The following NSUN2 variants were observed in gnomAD, a reference collection of about 807,000 sequenced individuals.
The protein encoded by NSUN2 is NOP2/Sun RNA methyltransferase 2, also known as RNA cytosine C(5)-methyltransferase NSUN2.
NSUN2 carries 63 observed loss-of-function variants against 92.7 expected under a neutral mutation model. The ratio of observed to expected loss-of-function variants is 0.68; its 90% CI spans 0.56 to 0.84. The LOEUF is 0.84. NSUN2 is among the 40% of genes least tolerant of loss of function. The pLI is 0.00. For synonymous variants in NSUN2, 356 were observed against 348.3 expected, an observed-to-expected ratio of 1.02 and a Z score of -0.25; for missense variants, 989 against 964.9, an observed-to-expected ratio of 1.02 and a Z score of -0.33.
At chr5:6,629,799 G>A (rs1579381748) in intron 3 of NSUN2, among the ~76,000 whole-genome samples, 2 of 152,098 alleles carry the variant, frequency 1.3e-5, no homozygotes, top group South Asian at 2.1e-4. Context: ...CAGTGAGTTC[G>A]TTCTCAGGGG....
At chr5:6,617,258 A>G (rs1393973177) in intron 8 of NSUN2, among the ~76,000 whole-genome samples, 3 of 152,350 alleles carry the variant, frequency 2.0e-5, no homozygotes, top group South Asian at 2.1e-4. Flanking sequence ...AACAGTAGAC[A>G]GTATTTTATG....
chr5:6,623,339 A>G, intron 4 of NSUN2, 54 bp from the exon 5 acceptor site: 5 of 1,428,672 alleles, frequency 3.5e-6, no homozygotes, highest in Non-Finnish European at 4.8e-6. Context: ...AAAACCGCAG[A>G]CAATTTCAAT....
In NSUN2 at chr5:6,610,980, G is replaced by T; in HGVS notation, c.1201C>A (p.Leu401Met). ...TMFPPKDPEKLQAMHLERCLR... is the reference protein window; with the variant it reads ...TMFPPKDPEKMQAMHLERCLR... ...CATCGCTCCAGGTGCATGGCCTGCA[G>T]CTTTTCTGGGTCCTTCGGAGGGAAC... Residue 401 changes from leucine to methionine, a missense_variant, in exon 11 of 19, where the codon CTG (leucine) becomes ATG (methionine). Around this residue, in one of 3 missense-constraint regions of NSUN2, gnomAD observed 626 missense variants for 602.3 expected, o/e 1.04. Coordinates refer to ENST00000264670, the MANE Select transcript of NSUN2 (RefSeq NM_017755.6). 6.2e-7 allele frequency: 1 copy of T among 1,614,162 alleles called. No individual in the cohort carries two copies. Among genetic ancestry groups the T allele is most frequent in the East Asian group, 2.2e-5 (1 of 44,868 alleles).
At chr5:6,619,344 T>G (rs1737339328) in intron 7 of NSUN2, among the ~76,000 whole-genome samples, 1 of 152,222 alleles carries the variant, frequency 6.6e-6, no homozygotes, top group African/African-American at 2.4e-5. Context: ...TTCCATAATG[T>G]GGTATCGTAT....
intron 3 of NSUN2, among the ~76,000 whole-genome samples, chr5:6,626,518 C>T (rs554471494): frequency 9.2e-5 from 14 of 152,052 alleles, no homozygotes; most frequent in Admixed American, 5.9e-4. Flanking sequence ...GGATTACAGA[C>T]GTGTATTTTC....
At chr5:6,609,683 T>C (rs1736909748) in intron 12 of NSUN2, 143 bp downstream of exon 12, 3 of 622,424 alleles carry the variant, frequency 4.8e-6, no homozygotes, top group Non-Finnish European at 5.7e-6. Context: ...TTAAATGAAA[T>C]TCCCCCTCAT....
rs1736662909 is a variant in NSUN2, at chr5:6,604,156, T to C, written c.1939A>G (p.Ser647Gly). Residue 647 changes from serine (S) to glycine (G), a missense_variant, in exon 17 of 19, where the codon AGT (serine) becomes GGT (glycine). This residue lies in a region of NSUN2 where 626 missense variants were observed against 602.3 expected (regional missense o/e 1.04). Coordinates refer to ENST00000264670, the MANE Select transcript of NSUN2 (RefSeq NM_017755.6). Reference sequence around the variant, plus strand: ...TACTCACCCAGGTCCTTTGCTTGACTGTAGGTCTCACTGCTGAGTTTTCTA... The same window carrying C: ...TACTCACCCAGGTCCTTTGCTTGACCGTAGGTCTCACTGCTGAGTTTTCTA... ...FFRKLSSETY[S>G]QAKDLAKGSI... The C allele has an allele frequency of 2.5e-6, 4 of 1,614,030 alleles. No homozygotes were observed. The highest frequency in any genetic ancestry group is 3.4e-6 in the Non-Finnish European group (4 of 1,179,970).
At chr5:6,631,335 C>A (rs1435927466) in intron 3 of NSUN2, among the ~76,000 whole-genome samples, 2 of 152,174 alleles carry the variant, frequency 1.3e-5, no homozygotes, top group African/African-American at 2.4e-5. Flanking sequence ...GAAGGCACCT[C>A]CAGGACAGGT....
At chr5:6,606,772 CTA>C (rs1736792387) in intron 14 of NSUN2, 46 bp downstream of exon 14, 1 of 1,028,438 alleles carries the variant, frequency 9.7e-7, no homozygotes, top group Non-Finnish European at 1.5e-6. Context: ...ATTTGATACT[CTA>C]TAGTAAATTT....
chr5:6,610,957 T>A lies in NSUN2; in HGVS notation c.1224A>T (p.Arg408=), dbSNP rs1285013830. The A allele has an allele frequency of 2.5e-6, 4 of 1,613,854 alleles. No individual in the cohort carries two copies. The Admixed American group carries it at 6.7e-5, about 27-fold the overall frequency. Residue 408 remains arginine (R), a splice_region_variant and synonymous_variant, in exon 11 of 19, where the codon CGA becomes CGT. Coordinates refer to ENST00000264670, the MANE Select transcript of NSUN2 (RefSeq NM_017755.6). ...ACCTGGAGGCCCCACCAGCTCACCA[T>A]CGCTCCAGGTGCATGGCCTGCAGCT... ...PEKLQAMHLE[R]CLRILPHHQN...
intron 3 of NSUN2, among the ~76,000 whole-genome samples, chr5:6,627,758 T>C (rs1390000543): frequency 1.3e-5 from 2 of 152,162 alleles, no homozygotes. Context: ...CAAGAAATGT[T>C]TTTAAATTAT....
At chr5:6,620,366 A>T (rs1429284826) in intron 6 of NSUN2, 68 bp from the exon 7 acceptor site, 8 of 1,240,168 alleles carry the variant, frequency 6.5e-6, no homozygotes, top group African/African-American at 1.5e-5. Context: ...GAAATATGCG[A>T]CCTCCAAAGG....
chr5:6,602,780 G>A (rs1363029060), intron 17 of NSUN2, among the ~76,000 whole-genome samples: 1 of 152,216 alleles, frequency 6.6e-6, no homozygotes, highest in Non-Finnish European at 1.5e-5. Context: ...GAGAAGCAAG[G>A]AGGCTGGGGA....
At chr5:6,631,211 T>C (rs563556256) in intron 3 of NSUN2, among the ~76,000 whole-genome samples, 17 of 152,244 alleles carry the variant, frequency 1.1e-4, no homozygotes, top group Non-Finnish European at 2.2e-4. Flanking sequence ...GTAAGTTAAC[T>C]GAAGGACTGG....
chr5:6,609,772 G>A, intron 12 of NSUN2, 54 bp downstream of exon 12: 1 of 1,417,046 alleles, frequency 7.1e-7, no homozygotes, highest in Non-Finnish European at 9.9e-7. Context: ...GTTAGTTTTT[G>A]TCTTAAATGT....
intron 3 of NSUN2, among the ~76,000 whole-genome samples, chr5:6,628,935 C>T (rs527782811): frequency 1.3e-5 from 2 of 152,302 alleles, no homozygotes; most frequent in Admixed American, 1.3e-4. Flanking sequence ...GTCCGAGCTA[C>T]TCAGGAGGCT....
chr5:6,617,746 G>A (rs1235482560), intron 8 of NSUN2, among the ~76,000 whole-genome samples: 3 of 152,188 alleles, frequency 2.0e-5, no homozygotes, highest in Admixed American at 6.5e-5. Flanking sequence ...TTTAATAAAC[G>A]TGTTATCTGA....
chr5:6,599,390 A>G lies in NSUN2; in HGVS notation c.*536T>C, dbSNP rs978399633. 3 of 152,774 alleles carry G rather than the reference A, an allele frequency of 2.0e-5. No homozygotes were observed. Among genetic ancestry groups the G allele is most frequent in the African/African-American group, 7.2e-5 (3 of 41,432 alleles). 9.5% of individuals were successfully genotyped at this position (152,774 alleles called of 1,614,324 possible). On this transcript the variant is annotated 3_prime_UTR_variant, in exon 19 of 19. Transcript: ENST00000264670. ...TACAGCTCTTACTCTGGGAGAGTTTATTTTACCCTTTATTCCAAAAGGCAC... is the reference window on the plus strand; with the variant it reads ...TACAGCTCTTACTCTGGGAGAGTTTGTTTTACCCTTTATTCCAAAAGGCAC...
At chr5:6,631,797 TACC>T (rs1737909200) in intron 3 of NSUN2, 73 bp downstream of exon 3, 10 of 1,110,952 alleles carry the variant, frequency 9.0e-6, no homozygotes, top group African/African-American at 1.6e-5. Context: ...GCAAATGCAG[TACC>T]AAGAAATATA....
Sources: allele counts gnomAD v4.1 joint callset (sites outside exome capture counted in the v4.1 genomes callset), GRCh38; gene constraint gnomAD v4.1.1; regional missense constraint gnomAD v4.1.1; transcripts MANE v1.5; gene names NCBI Gene and HGNC (gene_info 2026-07-23, HGNC 2026-07-21).